Variants in GSE1 observed in about 807,000 individuals in gnomAD.
GSE1 encodes the protein Gse1 coiled-coil protein.
Under a neutral mutation model 112.6 loss-of-function variants are expected in GSE1, and 32 were observed. The observed-to-expected ratio is 0.28, with a 90% CI of 0.21 to 0.38. GSE1 has a LOEUF of 0.38. GSE1 is among the 10% of genes least tolerant of loss of function. The pLI, the probability that GSE1 is intolerant of heterozygous loss-of-function variation, is 1.00. For missense variants in GSE1, 2,348 were observed against 1,699.2 expected (o/e 1.38, Z -6.71); for synonymous variants, 1,115 against 735.6 (o/e 1.52, Z -8.35).
intron 1 of GSE1, among the ~76,000 whole-genome samples, chr16:85,585,959 A>C (rs1199018253): frequency 6.6e-6 from 1 of 151,628 alleles, no homozygotes; most frequent in African/African-American, 2.4e-5. Context: ...CAGTTCCCTC[A>C]CTTGTAAATG....
At chr16:85,238,288 C>G (rs559030132) in intron 1 of GSE1, among the ~76,000 whole-genome samples, 1 of 152,354 alleles carries the variant, frequency 6.6e-6, no homozygotes, top group African/African-American at 2.4e-5. Flanking sequence ...CATCTGCTGC[C>G]TACCTCCTTC....
At chr16:85,171,883 C>T in intron 1 of GSE1, 1 of 826,220 alleles carries the variant, frequency 1.2e-6, no homozygotes, top group Non-Finnish European at 1.5e-6. Context: ...GTTTTCTGTT[C>T]CTCAGAAAAA....
intron 2 of GSE1, among the ~76,000 whole-genome samples, chr16:85,426,732 G>C (rs1597722377): frequency 6.6e-6 from 1 of 152,112 alleles, no homozygotes; most frequent in East Asian, 1.9e-4. Context: ...ATGGATGGTA[G>C]ATGGAAGGAT....
At chr16:85,474,640 C>G (rs2050397325) in intron 2 of GSE1, among the ~76,000 whole-genome samples, 1 of 145,380 alleles carries the variant, frequency 6.9e-6, no homozygotes, top group Non-Finnish European at 1.5e-5. Context: ...CTCCCTCTCT[C>G]TTTCCTCTTG....
At chr16:85,560,866 C>T (rs1202421648) in intron 1 of GSE1, among the ~76,000 whole-genome samples, 1 of 152,144 alleles carries the variant, frequency 6.6e-6, no homozygotes, top group African/African-American at 2.4e-5. Context: ...AGGTATCTTA[C>T]ACCTGTAGTC....
chr16:85,602,903 G>A (rs1238977710), intron 1 of GSE1, among the ~76,000 whole-genome samples: 1 of 152,234 alleles, frequency 6.6e-6, no homozygotes, highest in Non-Finnish European at 1.5e-5. Context: ...CAGGGGTCTG[G>A]GACCGGAGCG....
At chr16:85,386,900 C>A (rs1028898161) in intron 2 of GSE1, among the ~76,000 whole-genome samples, 6 of 152,176 alleles carry the variant, frequency 3.9e-5, no homozygotes, top group African/African-American at 7.2e-5. Flanking sequence ...GTGGCCCTGG[C>A]TGCTGGCTTT....
chr16:85,667,167 C>T (rs1385187832), intron 13 of GSE1, among the ~76,000 whole-genome samples: 2 of 151,146 alleles, frequency 1.3e-5, no homozygotes, highest in Non-Finnish European at 1.5e-5. Flanking sequence ...TCAGAATACC[C>T]TCCCTCCCTG....
intron 13 of GSE1, 36 bp downstream of exon 13, chr16:85,666,383 T>A (rs372624169): frequency 1.2e-6 from 2 of 1,610,982 alleles, no homozygotes; most frequent in African/African-American, 2.7e-5. Context: ...AGCTCTCGGC[T>A]GTGGTTGAGG....
intron 2 of GSE1, among the ~76,000 whole-genome samples, chr16:85,382,223 G>C (rs958250147): frequency 1.3e-5 from 2 of 152,214 alleles, no homozygotes; most frequent in Non-Finnish European, 2.9e-5. Context: ...TCCCCTGCCT[G>C]ATCTCCCGTC....
chr16:85,415,580 C>T (rs1476953915), intron 2 of GSE1, among the ~76,000 whole-genome samples: 2 of 152,246 alleles, frequency 1.3e-5, no homozygotes, highest in South Asian at 2.1e-4. Flanking sequence ...GCCAGGGCCC[C>T]GAGCAAACCC....
chr16:85,583,837 AGCCTGCCTCCCCG>A (rs943096557), intron 1 of GSE1, among the ~76,000 whole-genome samples: 4 of 152,142 alleles, frequency 2.6e-5, no homozygotes, highest in Non-Finnish European at 5.9e-5. Flanking sequence ...GGCTGTCTGG[AGCCTGCCTCCCCG>A]GCGGCCTCTG....
chr16:85,598,445 C>T (rs970417485), intron 1 of GSE1, among the ~76,000 whole-genome samples: 3 of 152,170 alleles, frequency 2.0e-5, no homozygotes, highest in Non-Finnish European at 4.4e-5. Context: ...TGCTTGGTAT[C>T]CTGCCTCCAA....
intron 1 of GSE1, among the ~76,000 whole-genome samples, chr16:85,284,638 A>C (rs1406212768): frequency 6.6e-6 from 1 of 152,154 alleles, no homozygotes; most frequent in Non-Finnish European, 1.5e-5. Context: ...TGCTAACTGG[A>C]TATTAAACGC....
intron 2 of GSE1, among the ~76,000 whole-genome samples, chr16:85,544,591 G>A (rs2044633292): frequency 6.6e-6 from 1 of 152,210 alleles, no homozygotes. Flanking sequence ...CCAGCATGAG[G>A]GGAAAGACAG....
At chr16:85,461,420 G>A (rs2049963627) in intron 2 of GSE1, among the ~76,000 whole-genome samples, 2 of 152,190 alleles carry the variant, frequency 1.3e-5, no homozygotes, top group South Asian at 4.1e-4. Context: ...CTGCGCACTG[G>A]AAGCCCCCAG....
At chr16:85,579,983 A>G (rs7205355) in intron 1 of GSE1, 11,401 of 152,304 alleles carry the variant, frequency 0.075, 1,400 homozygotes, top group African/African-American at 0.26. Context: ...TAGTAGTTAG[A>G]GAGGCAGACA....
intron 2 of GSE1, among the ~76,000 whole-genome samples, chr16:85,538,982 G>T (rs958938472): frequency 3.9e-5 from 6 of 152,014 alleles, no homozygotes; most frequent in African/African-American, 1.5e-4. Flanking sequence ...CTGCCATCCG[G>T]GCCACCATGG....
chr16:85,653,547 C>T (rs767000073), intron 3 of GSE1, among the ~76,000 whole-genome samples: 7 of 151,676 alleles, frequency 4.6e-5, no homozygotes, highest in South Asian at 2.1e-4. Context: ...TCTGGACCAC[C>T]TTCCCAGCTA....
Sources: gnomAD v4.1 joint callset for allele counts (sites outside exome capture counted in the v4.1 genomes callset) on GRCh38, gnomAD v4.1.1 for gene constraint, MANE v1.5 for transcripts, NCBI Gene and HGNC (gene_info 2026-07-23, HGNC 2026-07-21) for gene names.